Variants in ITGA9 observed in about 807,000 individuals in gnomAD.
ITGA9 encodes the protein integrin subunit alpha 9.
A neutral mutation model predicts 127.8 loss-of-function variants in ITGA9; 56 were observed. That is an observed-to-expected ratio of 0.44 (90% confidence interval 0.35 to 0.55). The LOEUF (loss-of-function observed/expected upper bound fraction) is 0.55, where lower values mean the gene tolerates loss of function less well. ITGA9 is among the 20% of genes least tolerant of loss of function. ITGA9 has a pLI of 0.00. For synonymous variants in ITGA9, 508 were observed against 514.5 expected, an observed-to-expected ratio of 0.99 and a Z score of 0.17; for missense variants, 1,196 against 1,347.1, an observed-to-expected ratio of 0.89 and a Z score of 1.76.
At chr3:37,519,473 C>A (rs780530174) in intron 11 of ITGA9, 119 bp downstream of exon 11, 61 of 774,528 alleles carry the variant, frequency 7.9e-5, no homozygotes, top group Non-Finnish European at 1.3e-4. Flanking sequence ...CTTGCCTTGG[C>A]CTTCCTACCC....
intron 18 of ITGA9, among the ~76,000 whole-genome samples, chr3:37,689,959 G>A (rs1348216617): frequency 7.2e-5 from 11 of 152,220 alleles, no homozygotes; most frequent in Non-Finnish European, 1.5e-5. Context: ...CCAAAGGCAT[G>A]TCAGTAAGCA....
At chr3:37,560,846 C>T (rs1575150112) in intron 15 of ITGA9, among the ~76,000 whole-genome samples, 1 of 152,158 alleles carries the variant, frequency 6.6e-6, no homozygotes, top group Admixed American at 6.5e-5. Flanking sequence ...ATGTATTTGC[C>T]CACAGTTCTG....
chr3:37,664,828 A>G (rs1700570493), intron 17 of ITGA9, among the ~76,000 whole-genome samples: 1 of 152,094 alleles, frequency 6.6e-6, no homozygotes, highest in Non-Finnish European at 1.5e-5. Context: ...TATTATTGTT[A>G]TTATATGAGG....
chr3:37,643,864 T>G (rs1237340028), intron 16 of ITGA9, among the ~76,000 whole-genome samples: 1 of 152,192 alleles, frequency 6.6e-6, no homozygotes, highest in Non-Finnish European at 1.5e-5. Flanking sequence ...GGCATTTTTT[T>G]TCTCACTCCC....
intron 22 of ITGA9, chr3:37,745,932 A>G (rs1259233032): frequency 1.3e-5 from 2 of 152,258 alleles, no homozygotes; most frequent in Admixed American, 6.5e-5. Context: ...AGTGCACAGC[A>G]TTCAATCCAG....
intron 3 of ITGA9, among the ~76,000 whole-genome samples, chr3:37,476,048 TA>T (rs1173022021): frequency 2.0e-5 from 3 of 152,246 alleles, no homozygotes; most frequent in African/African-American, 7.2e-5. Context: ...AAAGGCAGAA[TA>T]ATATTTCATT....
chr3:37,553,641 A>G (rs539805803), intron 15 of ITGA9, among the ~76,000 whole-genome samples: 1 of 152,348 alleles, frequency 6.6e-6, no homozygotes, highest in East Asian at 1.9e-4. Context: ...GGGAGCTTTT[A>G]GACATTGAGA....
intron 23 of ITGA9, among the ~76,000 whole-genome samples, chr3:37,771,226 G>T (rs932373980): frequency 6.6e-6 from 1 of 152,186 alleles, no homozygotes; most frequent in Non-Finnish European, 1.5e-5. Flanking sequence ...GACATTGTTG[G>T]TCATTGGCCG....
intron 16 of ITGA9, among the ~76,000 whole-genome samples, chr3:37,638,407 C>G (rs146605700): frequency 5.8e-4 from 84 of 144,018 alleles, no homozygotes; most frequent in African/African-American, 1.9e-3. Flanking sequence ...GAGAGAAGTT[C>G]TGGGAGAGCA....
intron 20 of ITGA9, among the ~76,000 whole-genome samples, chr3:37,739,580 G>C (rs918642209): frequency 6.6e-6 from 1 of 152,230 alleles, no homozygotes; most frequent in African/African-American, 2.4e-5. Flanking sequence ...ATAACATTGA[G>C]ACTGAGCAGT....
At chr3:37,719,245 C>A (rs1575207253) in intron 18 of ITGA9, among the ~76,000 whole-genome samples, 1 of 152,146 alleles carries the variant, frequency 6.6e-6, no homozygotes, top group Non-Finnish European at 1.5e-5. Context: ...GATACCAGTT[C>A]TTTAAGAAGA....
At chr3:37,492,538 A>G (rs753631827) in intron 4 of ITGA9, among the ~76,000 whole-genome samples, 2 of 152,240 alleles carry the variant, frequency 1.3e-5, no homozygotes, top group African/African-American at 4.8e-5. Flanking sequence ...CACACCAAGT[A>G]CAGTTTGGGG....
intron 23 of ITGA9, among the ~76,000 whole-genome samples, chr3:37,770,151 C>T (rs1350531450): frequency 1.3e-5 from 2 of 152,164 alleles, no homozygotes; most frequent in East Asian, 3.8e-4. Flanking sequence ...AAAAATGTCC[C>T]AGTTTAGACA....
chr3:37,595,638 A>G (rs1045992632), intron 15 of ITGA9, among the ~76,000 whole-genome samples: 1 of 152,178 alleles, frequency 6.6e-6, no homozygotes, highest in Non-Finnish European at 1.5e-5. Context: ...CTTTTCCTCC[A>G]TGTTCCAACA....
At position 37,592,998 on chromosome 3, in the gene ITGA9, A is replaced by G. The variant is rs188246408; in HGVS notation, c.1690-36189A>G. ...ATGAAATTGGACCAATCTGTTTTCAAATACAAAGCTAGTAGTTAGAATAAC... is the reference window on the plus strand; with the variant it reads ...ATGAAATTGGACCAATCTGTTTTCAGATACAAAGCTAGTAGTTAGAATAAC... On this transcript the variant is annotated intron_variant, in intron 15 of 27. Coordinates refer to ENST00000264741, the MANE Select transcript of ITGA9 (RefSeq NM_002207.3). 1.3e-3 allele frequency among the ~76,000 whole-genome samples: 191 copies of G among 152,352 alleles called. 1 individual carries two copies. Among genetic ancestry groups the G allele is most frequent in the African/African-American group, 4.3e-3 (179 of 41,588 alleles).
chr3:37,568,000 T>C (rs1253829519), intron 15 of ITGA9, among the ~76,000 whole-genome samples: 1 of 152,232 alleles, frequency 6.6e-6, no homozygotes, highest in Non-Finnish European at 1.5e-5. Context: ...GCAGGAGTTC[T>C]GTGTGGAGGC....
chr3:37,676,308 T>G (rs1700681881), intron 17 of ITGA9, among the ~76,000 whole-genome samples: 1 of 152,224 alleles, frequency 6.6e-6, no homozygotes, highest in Non-Finnish European at 1.5e-5. Context: ...TATGTTAAAC[T>G]TAATTCAGAC....
intron 23 of ITGA9, chr3:37,754,094 A>C (rs1416562683): frequency 6.6e-6 from 1 of 152,232 alleles, no homozygotes; most frequent in Admixed American, 6.5e-5. Context: ...ATTCTTCTGC[A>C]GAGGCGAGCC....
rs1394396822 is a variant in ITGA9 at position 37,732,766 on chromosome 3, G to A, written c.2122G>A (p.Val708Met). The A allele has an allele frequency of 1.4e-5, 22 of 1,611,444 alleles. No individual in the cohort carries two copies. The highest frequency in any genetic ancestry group is 2.2e-5 in the South Asian group (2 of 89,788). Residue 708 changes from valine (V) to methionine (M), a missense_variant, in exon 19 of 28, where the codon GTG becomes ATG. Physicochemically the swap from Val to Met is conservative, Grantham distance 21 (BLOSUM62 1). Coordinates refer to ENST00000264741, the MANE Select transcript of ITGA9 (RefSeq NM_002207.3). ...GGAATCGGACTTCCTCAAATGCAGC[G>A]TGGGATTTCCTTTCATGAGGTCAAA... Reference protein sequence around the residue: ...LLESDFLKCSVGFPFMRSKSK... With the variant: ...LLESDFLKCSMGFPFMRSKSK...
Sources: allele counts gnomAD v4.1 joint callset (sites outside exome capture counted in the v4.1 genomes callset), GRCh38; gene constraint gnomAD v4.1.1; transcripts MANE v1.5; gene names NCBI Gene and HGNC (gene_info 2026-07-23, HGNC 2026-07-21).